Variants in ATCAY observed in about 807,000 individuals in gnomAD.
ATCAY encodes the protein ATCAY kinesin light chain interacting caytaxin, also known as caytaxin.
In ATCAY, 22 loss-of-function variants were observed where a neutral mutation model predicts 47.7. That is an observed-to-expected ratio of 0.46 (90% CI 0.33 to 0.66). ATCAY has a LOEUF of 0.66. ATCAY is among the 30% of genes least tolerant of loss of function. The probability of loss-of-function intolerance (pLI) is 0.02; values close to 1 mark genes in which losing one functional copy is unlikely to be tolerated. For synonymous variants in ATCAY, 216 were observed against 207.6 expected (o/e 1.04, Z -0.35); for missense variants, 452 against 515.0 (o/e 0.88, Z 1.18).
chr19:3,883,968 C>A (rs554183185), intron 1 of ATCAY, among the ~76,000 whole-genome samples: 1 of 152,164 alleles, frequency 6.6e-6, no homozygotes, highest in Admixed American at 6.6e-5. Context: ...CTGCCCCTGC[C>A]CCTGCCCCCA....
At chr19:3,890,270 TTTTTTTTTTG>T in intron 2 of ATCAY, among the ~76,000 whole-genome samples, 1 of 134,386 alleles carries the variant, frequency 7.4e-6, no homozygotes, top group Admixed American at 7.6e-5. Context: ...TTTTTTTTTT[TTTTTTTTTTG>T]CAGACAAAGT....
rs928343513 is a variant in ATCAY, at chr19:3,881,706, CG to C, written c.-42+703del. On this transcript the variant is annotated intron_variant, in intron 1 of 12. Transcript: ENST00000450849. The stretch of plus-strand genomic sequence containing the variant: ...GCTGCAGCTGGCAGGGGGTGGGGGT[CG>C]GGGGCGGGGCTGGTGGGAGTGTTCC... Among the ~76,000 whole-genome samples, 117 of 43,136 alleles carry C rather than the reference CG, an allele frequency of 2.7e-3. 1 individual carries two copies. Among genetic ancestry groups the C allele is most frequent in the Non-Finnish European group, 1.6e-3 (32 of 20,372 alleles). 28.3% of individuals were successfully genotyped at this position (43,136 alleles called of 152,430 possible).
At chr19:3,890,837 G>T (rs956851795) in intron 2 of ATCAY, among the ~76,000 whole-genome samples, 3 of 152,296 alleles carry the variant, frequency 2.0e-5, no homozygotes, top group Admixed American at 2.0e-4. Context: ...TCCTCCACGA[G>T]GCTTCTGTCT....
At chr19:3,906,401 C>G (rs2038861603) in intron 4 of ATCAY, among the ~76,000 whole-genome samples, 1 of 150,020 alleles carries the variant, frequency 6.7e-6, no homozygotes, top group African/African-American at 2.5e-5. Context: ...CTCCCGGGTT[C>G]AAGCGATTCT....
chr19:3,906,820 T>C (rs1158513619), intron 4 of ATCAY, among the ~76,000 whole-genome samples: 1 of 152,046 alleles, frequency 6.6e-6, no homozygotes, highest in African/African-American at 2.4e-5. Context: ...GGTCCCTACC[T>C]GCACACACAG....
Position 3,916,580 on chromosome 19 carries a change from A to G in ATCAY, c.966-1162A>G, listed in dbSNP as rs192230056. On this transcript the variant is annotated intron_variant, in intron 9 of 12. Transcript: ENST00000450849. ...GCTATCTTGGCTCGCTGCAACCTCC[A>G]CCTCCCGGGTTCAAGCAACTCTCCT... Among the ~76,000 whole-genome samples the G allele has an allele frequency of 1.9e-3, 285 of 151,922 alleles. 1 individual carries two copies. Among genetic ancestry groups the G allele is most frequent in the African/African-American group, 6.3e-3 (259 of 41,406 alleles).
In ATCAY at chr19:3,908,353, C is replaced by G; in HGVS notation, c.630C>G (p.Ile210Met). ...PDSSLPDYHY[I>M]MENLFLYVIS... ...GCAGCCTCCCCGACTACCACTACAT[C>G]ATGGAGAACCTCTTCCTGTGAGTCC... The change falls in exon 6 of 13, where the codon ATC becomes ATG. Residue 210 changes from isoleucine to methionine, a missense_variant. Coordinates refer to ENST00000450849, the MANE Select transcript of ATCAY (RefSeq NM_033064.5). 6.3e-7 allele frequency: 1 copy of G among 1,591,514 alleles called. No homozygotes were observed. Among genetic ancestry groups the G allele is most frequent in the Non-Finnish European group, 8.6e-7 (1 of 1,168,816 alleles).
At chr19:3,922,325 G>A in intron 12 of ATCAY, 2 of 644,840 alleles carry the variant, frequency 3.1e-6, no homozygotes, top group South Asian at 3.5e-5. Flanking sequence ...CTGCATGGCT[G>A]GGGAGGCCCC....
At chr19:3,913,313 T>C (rs2038938411) in intron 8 of ATCAY, among the ~76,000 whole-genome samples, 1 of 152,144 alleles carries the variant, frequency 6.6e-6, no homozygotes, top group South Asian at 2.1e-4. Context: ...AGAGAATCAA[T>C]GGGCAGCCCC....
At chr19:3,885,113 A>T (rs1425661492) in intron 1 of ATCAY, among the ~76,000 whole-genome samples, 21 of 145,028 alleles carry the variant, frequency 1.4e-4, no homozygotes, top group South Asian at 6.6e-4. Flanking sequence ...TTTTTTTAAA[A>T]AAAAAAAAAA....
chr19:3,920,879 G>C (rs774178882), intron 12 of ATCAY, 81 bp downstream of exon 12: 11 of 1,543,050 alleles, frequency 7.1e-6, no homozygotes, highest in Non-Finnish European at 9.8e-6. Flanking sequence ...TCTCTAGAAG[G>C]ACAGAAAATC....
At chr19:3,902,610 G>C in intron 3 of ATCAY, 65 bp downstream of exon 3, 1 of 1,492,410 alleles carries the variant, frequency 6.7e-7, no homozygotes, top group Non-Finnish European at 9.1e-7. Context: ...AGCCCTGCCT[G>C]GGGCTGTAAC....
At chr19:3,924,005 C>CAGATGGATGAGTGGGTGGATGGATGGGT (rs1568455126) in intron 12 of ATCAY, among the ~76,000 whole-genome samples, 4 of 68,838 alleles carry the variant, frequency 5.8e-5, no homozygotes. Context: ...GATGGATGGA[C>CAGATGGATGAGTGGGTGGATGGATGGGT]AGATGGATGA....
At chr19:3,913,012 G>A (rs181258339) in intron 8 of ATCAY, among the ~76,000 whole-genome samples, 1 of 152,258 alleles carries the variant, frequency 6.6e-6, no homozygotes, top group East Asian at 1.9e-4. Flanking sequence ...ATTGGGCCAG[G>A]CAGGGTAGCT....
At chr19:3,902,676 T>C (rs2038825428) in intron 3 of ATCAY, 131 bp downstream of exon 3, 2 of 1,012,640 alleles carry the variant, frequency 2.0e-6, no homozygotes. Flanking sequence ...CTGGGGTCTA[T>C]GGTGGAAGTG....
chr19:3,894,370 G>A (rs982257793), intron 2 of ATCAY, among the ~76,000 whole-genome samples: 4 of 151,598 alleles, frequency 2.6e-5, no homozygotes, highest in African/African-American at 9.7e-5. Flanking sequence ...TGTAGTCCCA[G>A]CTACTCGGGA....
At chr19:3,911,395 A>C (rs1041035851) in intron 8 of ATCAY, among the ~76,000 whole-genome samples, 2 of 151,998 alleles carry the variant, frequency 1.3e-5, no homozygotes, top group Non-Finnish European at 2.9e-5. Context: ...ATGGCATCAC[A>C]TGCCTGTAGT....
intron 10 of ATCAY, 43 bp from the exon 11 acceptor site, chr19:3,918,763 G>T: frequency 6.2e-7 from 1 of 1,612,078 alleles, no homozygotes; most frequent in South Asian, 1.1e-5. Context: ...CCTTGGCCTG[G>T]CTGGGCTAGT....
Position 3,889,029 on chromosome 19 carries a change from G to A in ATCAY, c.77+3185G>A, listed in dbSNP as rs2038690153. 3.3e-5 allele frequency among the ~76,000 whole-genome samples: 5 copies of A among 152,284 alleles called. No individual in the cohort carries two copies. In the South Asian group the frequency reaches 1.0e-3, roughly 32 times the overall value. ...TGATGTCTGTAATCCCAGCTCTTTG[G>A]GAGGCCAAGGCGGGAGGATCGCTTG... On this transcript the variant is annotated intron_variant, in intron 2 of 12. Transcript: ENST00000450849.
Sources: allele counts gnomAD v4.1 joint callset (sites outside exome capture counted in the v4.1 genomes callset), GRCh38; gene constraint gnomAD v4.1.1; transcripts MANE v1.5; gene names NCBI Gene and HGNC (gene_info 2026-07-23, HGNC 2026-07-21).